Variants in GDAP2 observed in about 807,000 individuals in gnomAD.
GDAP2 encodes the protein ganglioside-induced differentiation-associated protein 2.
Under a neutral mutation model 67.0 loss-of-function variants are expected in GDAP2, and 51 were observed. The ratio of observed to expected loss-of-function variants is 0.76; its 90% confidence interval spans 0.61 to 0.96. The LOEUF (loss-of-function observed/expected upper bound fraction) is 0.96, where lower values mean the gene tolerates loss of function less well. Among genes scored for constraint, GDAP2 ranks in the 40% least tolerant of loss-of-function variants. The pLI, the probability that GDAP2 is intolerant of heterozygous loss-of-function variation, is 0.00. For missense variants in GDAP2, 547 were observed against 588.3 expected (o/e 0.93, Z 0.73); for synonymous variants, 203 against 207.3 (o/e 0.98, Z 0.18).
intron 6 of GDAP2, among the ~76,000 whole-genome samples, chr1:117,906,294 AT>A (rs1199044945): frequency 1.3e-5 from 2 of 152,234 alleles, no homozygotes; most frequent in Admixed American, 6.5e-5. Context: ...AACAACAGTT[AT>A]AAAAAATATG....
Position 117,918,756 on chromosome 1 carries a change from T to C in GDAP2, c.177-20A>G. ...CCTTTCCTGAAGAAACAATAAAGAA[T>C]GAACAAGTGTGGGGAAAAAGAAGAA... is the stretch of plus-strand genomic sequence containing the variant. On this transcript the variant is annotated intron_variant, in intron 2 of 13. Coordinates refer to ENST00000369443, the MANE Select transcript of GDAP2 (RefSeq NM_017686.4). 1 of 1,575,172 alleles carries C rather than the reference T, an allele frequency of 6.3e-7. No individual in the cohort carries two copies. The highest frequency in any genetic ancestry group is 8.7e-7 in the Non-Finnish European group (1 of 1,150,478).
At chr1:117,891,183 C>T (rs568038474) in intron 8 of GDAP2, among the ~76,000 whole-genome samples, 4 of 149,694 alleles carry the variant, frequency 2.7e-5, no homozygotes, top group African/African-American at 9.8e-5. Context: ...CATTCACTCT[C>T]TCACTGATGG....
intron 10 of GDAP2, among the ~76,000 whole-genome samples, chr1:117,885,529 G>A (rs1225472312): frequency 2.6e-5 from 4 of 152,108 alleles, no homozygotes; most frequent in Non-Finnish European, 5.9e-5. Context: ...ATTTATAAGG[G>A]TCACAGAATA....
intron 3 of GDAP2, among the ~76,000 whole-genome samples, chr1:117,914,705 G>C (rs1176211841): frequency 6.6e-6 from 1 of 152,108 alleles, no homozygotes; most frequent in African/African-American, 2.4e-5. Flanking sequence ...CAAACAATCA[G>C]GGATAAGAAT....
intron 5 of GDAP2, 99 bp downstream of exon 5, chr1:117,911,895 C>A: frequency 1.5e-6 from 1 of 672,948 alleles, no homozygotes; most frequent in African/African-American, 1.8e-5. Context: ...CCTGCCTCAG[C>A]CTCCCAAGTC....
intron 8 of GDAP2, chr1:117,896,612 T>G (rs1199564312): frequency 2.6e-6 from 1 of 381,086 alleles, no homozygotes; most frequent in African/African-American, 2.1e-5. Context: ...CAGACATGTA[T>G]CTGACCACTG....
chr1:117,880,576 T>C (rs1255465083), intron 12 of GDAP2, among the ~76,000 whole-genome samples: 1 of 152,130 alleles, frequency 6.6e-6, no homozygotes, highest in Non-Finnish European at 1.5e-5. Context: ...GGTAGATAAT[T>C]TGGATCCAGC....
chr1:117,882,755 G>A (rs1272302408), intron 11 of GDAP2: 2 of 152,086 alleles, frequency 1.3e-5, no homozygotes, highest in African/African-American at 2.4e-5. Context: ...AGATTTAATG[G>A]GAGAAGTAGG....
chr1:117,884,337 A>G (rs538026089), intron 10 of GDAP2, among the ~76,000 whole-genome samples: 2 of 152,340 alleles, frequency 1.3e-5, no homozygotes, highest in South Asian at 2.1e-4. Flanking sequence ...CACTAAAAAC[A>G]AAACAGAGAT....
intron 6 of GDAP2, among the ~76,000 whole-genome samples, chr1:117,905,302 A>C (rs1195550504): frequency 6.6e-6 from 1 of 151,922 alleles, no homozygotes; most frequent in Admixed American, 6.5e-5. Flanking sequence ...AAGGCCTTGA[A>C]TGATCTTATC....
intron 3 of GDAP2, 70 bp downstream of exon 3, chr1:117,918,527 C>T (rs576377573): frequency 1.9e-4 from 208 of 1,107,664 alleles, no homozygotes; most frequent in Non-Finnish European, 2.2e-4. Context: ...ACAAAACATG[C>T]CTCTTTAAGG....
In GDAP2 at chr1:117,887,614, T is replaced by C. The variant is rs1648906877; in HGVS notation, c.1030+84A>G. 1.4e-5 allele frequency: 11 copies of C among 794,484 alleles called. No homozygotes were observed. In the South Asian group the frequency reaches 1.5e-4, roughly 11 times the overall value. 49.2% of individuals were successfully genotyped at this position (794,484 alleles called of 1,614,324 possible). Reference sequence around the variant, plus strand: ...TTGTTCATAGATACAATAAATGAAATCAGAGAAAAATGAATTCTCAAATAG... The same window carrying C: ...TTGTTCATAGATACAATAAATGAAACCAGAGAAAAATGAATTCTCAAATAG... On this transcript the variant is annotated intron_variant, in intron 9 of 13. Coordinates refer to ENST00000369443, the MANE Select transcript of GDAP2 (RefSeq NM_017686.4).
chr1:117,926,334 C>A (rs148447607), intron 1 of GDAP2, among the ~76,000 whole-genome samples: 98 of 152,268 alleles, frequency 6.4e-4, no homozygotes, highest in African/African-American at 2.4e-3. Context: ...TGACATTATA[C>A]CCTGGTGGTT....
intron 6 of GDAP2, among the ~76,000 whole-genome samples, chr1:117,902,503 C>A (rs1649514342): frequency 6.6e-6 from 1 of 152,198 alleles, no homozygotes; most frequent in African/African-American, 2.4e-5. Flanking sequence ...AGGAATACAA[C>A]TTTGTTCTTT....
At chr1:117,883,696 AAAAAC>A (rs1346701351) in intron 10 of GDAP2, 69 bp from the exon 11 acceptor site, 13 of 1,172,592 alleles carry the variant, frequency 1.1e-5, no homozygotes, top group Middle Eastern at 2.2e-4. Context: ...GAGACCAAGA[AAAAAC>A]AAAACAAAAC....
chr1:117,912,135 C>T, intron 4 of GDAP2, 53 bp from the exon 5 acceptor site: 1 of 990,362 alleles, frequency 1.0e-6, no homozygotes, highest in East Asian at 2.4e-5. Context: ...GTAATACATA[C>T]ACAACAATAT....
intron 13 of GDAP2, among the ~76,000 whole-genome samples, chr1:117,875,654 TG>T (rs905585756): frequency 6.6e-6 from 1 of 152,084 alleles, no homozygotes; most frequent in Non-Finnish European, 1.5e-5. Flanking sequence ...GCCATGGGGG[TG>T]GGGGTGCCCA....
At chr1:117,882,635 A>G (rs989172172) in intron 11 of GDAP2, among the ~76,000 whole-genome samples, 2 of 152,194 alleles carry the variant, frequency 1.3e-5, no homozygotes, top group African/African-American at 4.8e-5. Context: ...TTCCACGTTT[A>G]AGAACTGGTT....
At chr1:117,888,439 T>C (rs1648945991) in intron 8 of GDAP2, among the ~76,000 whole-genome samples, 2 of 152,168 alleles carry the variant, frequency 1.3e-5, no homozygotes, top group Non-Finnish European at 2.9e-5. Flanking sequence ...GGAAGAGACA[T>C]TAAAGATCTT....
Sources: gnomAD v4.1 joint callset for allele counts (sites outside exome capture counted in the v4.1 genomes callset) on GRCh38, gnomAD v4.1.1 for gene constraint, MANE v1.5 for transcripts, NCBI Gene and HGNC (gene_info 2026-07-23, HGNC 2026-07-21) for gene names.